Variants in RABGAP1 observed in about 807,000 individuals in gnomAD.
RABGAP1 encodes the protein RAB GTPase activating protein 1, also known as rab GTPase-activating protein 1.
A neutral mutation model predicts 137.6 loss-of-function variants in RABGAP1; 23 were observed. That is an observed-to-expected ratio of 0.17 (90% CI 0.12 to 0.24). The LOEUF is 0.24. Ranked by LOEUF, RABGAP1 falls within the 10% of genes least tolerant of loss-of-function variation. The pLI, the probability that RABGAP1 is intolerant of heterozygous loss-of-function variation, is 1.00. For synonymous variants in RABGAP1, 451 were observed against 450.7 expected (o/e 1.00, Z -0.01); for missense variants, 906 against 1,275.8 (o/e 0.71, Z 4.42).
At chr9:122,985,629 A>T (rs79749826) in intron 3 of RABGAP1, among the ~76,000 whole-genome samples, 1 of 151,726 alleles carries the variant, frequency 6.6e-6, no homozygotes, top group East Asian at 1.9e-4. Flanking sequence ...AAAAAAAAAA[A>T]AAAGATGACA....
At chr9:123,020,192 T>C (rs1390879449) in intron 12 of RABGAP1, 117 bp from the exon 13 acceptor site, 3 of 922,502 alleles carry the variant, frequency 3.3e-6, no homozygotes, top group Non-Finnish European at 4.4e-6. Context: ...TTCCCTTTAT[T>C]ACTTTGTTAC....
intron 12 of RABGAP1, among the ~76,000 whole-genome samples, chr9:123,016,901 A>C (rs1247835428): frequency 1.3e-5 from 2 of 152,236 alleles, no homozygotes; most frequent in South Asian, 2.1e-4. Flanking sequence ...TTACTCTCAC[A>C]ATGCTTTACA....
Position 123,097,759 on chromosome 9 carries a change from G to A in RABGAP1, c.2647G>A (p.Ala883Thr). 1 of 1,610,492 alleles carries A rather than the reference G, an allele frequency of 6.2e-7. No homozygotes were observed. The highest frequency in any genetic ancestry group is 8.5e-7 in the Non-Finnish European group (1 of 1,179,122). The change falls in exon 22 of 26, where the codon GCT (alanine) becomes ACT (threonine). Residue 883 changes from alanine to threonine, a missense_variant. Ala to Thr is a moderately conservative substitution (Grantham distance 58). Coordinates refer to ENST00000373647, the MANE Select transcript of RABGAP1 (RefSeq NM_012197.4). ...GTTTCAGGCTGAGGAAAAGGCAGATGCTCTGAATAAGGAGCTGCTGATGAC... is the reference window on the plus strand; with the variant it reads ...GTTTCAGGCTGAGGAAAAGGCAGATACTCTGAATAAGGAGCTGCTGATGAC... ...DLDNAEEKAD[A>T]LNKELLMTKQ...
intron 13 of RABGAP1, among the ~76,000 whole-genome samples, chr9:123,043,758 A>G (rs2033068333): frequency 6.6e-6 from 1 of 152,178 alleles, no homozygotes; most frequent in Non-Finnish European, 1.5e-5. Context: ...TTTATTCAGA[A>G]GTATGAATTA....
At position 123,020,926 on chromosome 9, in the gene RABGAP1, TG is replaced by T. The variant is rs2031588651; in HGVS notation, c.1794+469del. On this transcript the variant is annotated intron_variant, in intron 13 of 25. Coordinates refer to ENST00000373647, the MANE Select transcript of RABGAP1 (RefSeq NM_012197.4). The stretch of plus-strand genomic sequence containing the variant: ...TAAAGTGAAAAAAATCTCATTTGTA[TG>T]GTGTTCCCCTTCTGAAGTTCATGCA... The T allele has an allele frequency of 5.5e-6, 5 of 908,564 alleles. No individual in the cohort carries two copies. In the South Asian group the frequency reaches 2.0e-4, roughly 37 times the overall value. The allele number at this position is 908,564 out of a possible 1,614,324, so 56.3% of individuals were successfully genotyped here.
At chr9:123,029,427 T>C in intron 13 of RABGAP1, 1 of 1,549,444 alleles carries the variant, frequency 6.5e-7, no homozygotes, top group Non-Finnish European at 8.9e-7. Context: ...GTATTTCTGG[T>C]GTAAATTACT....
At chr9:123,034,927 G>T in intron 13 of RABGAP1, 1 of 1,613,044 alleles carries the variant, frequency 6.2e-7, no homozygotes. Context: ...GGCTTCTCTG[G>T]CCTGTATCAG....
intron 6 of RABGAP1, among the ~76,000 whole-genome samples, chr9:122,993,129 G>T (rs1449127209): frequency 3.3e-5 from 5 of 151,958 alleles, no homozygotes; most frequent in African/African-American, 7.2e-5. Flanking sequence ...GTTGGTTTAT[G>T]GATATTACTT....
chr9:123,055,467 C>G (rs766596530), intron 13 of RABGAP1, among the ~76,000 whole-genome samples: 1 of 151,074 alleles, frequency 6.6e-6, no homozygotes, highest in Non-Finnish European at 1.5e-5. Context: ...CCTTGGTTCA[C>G]GCAGTCCTCC....
At chr9:123,081,088 C>G (rs2034692756) in intron 19 of RABGAP1, among the ~76,000 whole-genome samples, 1 of 152,208 alleles carries the variant, frequency 6.6e-6, no homozygotes, top group Non-Finnish European at 1.5e-5. Context: ...TGATGATCCA[C>G]TTCCACTTAG....
At chr9:123,041,616 AAAG>A (rs1416982922) in intron 13 of RABGAP1, among the ~76,000 whole-genome samples, 7 of 152,240 alleles carry the variant, frequency 4.6e-5, no homozygotes, top group Admixed American at 2.6e-4. Context: ...ATATGGATAA[AAAG>A]AAGGAGAACA....
intron 19 of RABGAP1, among the ~76,000 whole-genome samples, chr9:123,084,967 TCGCGCCTGC>T (rs1344421120): frequency 1.3e-5 from 2 of 152,192 alleles, no homozygotes; most frequent in Non-Finnish European, 2.9e-5. Context: ...TTGTACCACG[TCGCGCCTGC>T]CCAGGTGAGC....
intron 13 of RABGAP1, among the ~76,000 whole-genome samples, chr9:123,047,286 A>G (rs2033247748): frequency 6.6e-6 from 1 of 152,212 alleles, no homozygotes; most frequent in Non-Finnish European, 1.5e-5. Context: ...GTATTTCTAG[A>G]ATTCTTTCAT....
intron 13 of RABGAP1, chr9:123,035,384 T>C (rs1243469766): frequency 6.2e-7 from 1 of 1,614,156 alleles, no homozygotes; most frequent in East Asian, 2.2e-5. Context: ...ATCTACTTCT[T>C]GTTGGAAAGC....
intron 2 of RABGAP1, among the ~76,000 whole-genome samples, chr9:122,961,313 A>G (rs1834840358): frequency 6.6e-6 from 1 of 152,182 alleles, no homozygotes; most frequent in African/African-American, 2.4e-5. Flanking sequence ...ACCTGCCCAT[A>G]AGATTTATAG....
chr9:123,055,223 G>C (rs1478099697), intron 13 of RABGAP1, among the ~76,000 whole-genome samples: 2 of 152,076 alleles, frequency 1.3e-5, no homozygotes, highest in African/African-American at 2.4e-5. Context: ...GTAGGGTCTT[G>C]TTCTGTCACA....
intron 13 of RABGAP1, among the ~76,000 whole-genome samples, chr9:123,055,905 T>G (rs542999066): frequency 6.6e-6 from 1 of 152,332 alleles, no homozygotes; most frequent in African/African-American, 2.4e-5. Context: ...TTGCTCCAGC[T>G]TTGACCATCG....
intron 1 of RABGAP1, among the ~76,000 whole-genome samples, chr9:122,952,028 T>G (rs1272784094): frequency 1.3e-5 from 2 of 152,164 alleles, no homozygotes; most frequent in Admixed American, 1.3e-4. Context: ...AAATCTGTAG[T>G]GATCTTTAAT....
intron 13 of RABGAP1, among the ~76,000 whole-genome samples, chr9:123,044,916 G>T (rs1352952009): frequency 4.6e-5 from 7 of 152,070 alleles, no homozygotes; most frequent in Admixed American, 1.3e-4. Flanking sequence ...AGAATTAAAG[G>T]AACCCAAAGG....
Sources: allele counts gnomAD v4.1 joint callset (sites outside exome capture counted in the v4.1 genomes callset), GRCh38; gene constraint gnomAD v4.1.1; transcripts MANE v1.5; gene names NCBI Gene and HGNC (gene_info 2026-07-23, HGNC 2026-07-21).